The following BNC2 variants were observed in gnomAD, a reference collection of about 807,000 sequenced individuals.
BNC2 encodes zinc finger protein basonuclin-2.
Under a neutral mutation model 76.3 loss-of-function variants are expected in BNC2, and 20 were observed. That is an observed-to-expected ratio of 0.26 (90% CI 0.18 to 0.38). The LOEUF (loss-of-function observed/expected upper bound fraction) is 0.38, where lower values mean the gene tolerates loss of function less well. BNC2 is among the 10% of genes least tolerant of loss of function. The probability of loss-of-function intolerance (pLI) is 1.00; values close to 1 mark genes in which losing one functional copy is unlikely to be tolerated. For synonymous variants in BNC2, 582 were observed against 514.8 expected (o/e 1.13, Z -1.77); for missense variants, 1,382 against 1,399.8 (o/e 0.99, Z 0.20).
At chr9:16,734,726 C>T (rs965978096) in intron 2 of BNC2, among the ~76,000 whole-genome samples, 2 of 152,056 alleles carry the variant, frequency 1.3e-5, no homozygotes, top group African/African-American at 2.4e-5. Context: ...AAGCCCGTGA[C>T]AAAAGAAAAA....
At chr9:16,744,279 T>C (rs562070441) in intron 1 of BNC2, among the ~76,000 whole-genome samples, 4 of 152,274 alleles carry the variant, frequency 2.6e-5, no homozygotes, top group African/African-American at 9.6e-5. Flanking sequence ...TAGACTGCAG[T>C]TTTTAAGGTT....
At chr9:16,721,930 A>G (rs1390533221) in intron 3 of BNC2, among the ~76,000 whole-genome samples, 1 of 151,312 alleles carries the variant, frequency 6.6e-6, no homozygotes, top group Non-Finnish European at 1.5e-5. Context: ...GTGCTAATCT[A>G]GAGTGCCAAG....
chr9:16,545,648 T>A (rs549895010), intron 5 of BNC2, among the ~76,000 whole-genome samples: 2 of 152,306 alleles, frequency 1.3e-5, no homozygotes, highest in South Asian at 4.1e-4. Flanking sequence ...AGACCTGTAC[T>A]CATTTTCCCT....
rs984925004 is a variant in BNC2, at chr9:16,412,448, C to T, written c.*6541G>A. On this transcript the variant is annotated 3_prime_UTR_variant, in exon 7 of 7. Transcript: ENST00000380672. ...GGGCAATATAATCTTACTTATGCCA[C>T]TGACTTGCAGGAAAATTTGCTCTAA... 6.6e-6 allele frequency: 1 copy of T among 152,424 alleles called. No individual in the cohort carries two copies. Among genetic ancestry groups the T allele is most frequent in the African/African-American group, 2.4e-5 (1 of 41,434 alleles). 9.4% of individuals were successfully genotyped at this position (152,424 alleles called of 1,614,324 possible).
At chr9:16,663,208 C>T (rs1247658158) in intron 3 of BNC2, among the ~76,000 whole-genome samples, 1 of 144,878 alleles carries the variant, frequency 6.9e-6, no homozygotes, top group Non-Finnish European at 1.5e-5. Context: ...CGGCTCACTG[C>T]AACCTCCACC....
intron 3 of BNC2, among the ~76,000 whole-genome samples, chr9:16,701,835 A>G (rs1823522610): frequency 7.3e-6 from 1 of 137,634 alleles, no homozygotes; most frequent in South Asian, 2.2e-4. Flanking sequence ...CAAGCTACTC[A>G]GCAGGCTGAG....
rs1417186446 is a variant in BNC2, at chr9:16,412,415, A to G, written c.*6574T>C. On this transcript the variant is annotated 3_prime_UTR_variant, in exon 7 of 7. Transcript: ENST00000380672. ...AAAAATATTTTAATCTTTTCCCTAC[A>G]GATTAGGGGGCAATATAATCTTACT... The G allele has an allele frequency of 1.3e-5, 2 of 152,482 alleles. No individual in the cohort carries two copies. The highest frequency in any genetic ancestry group is 2.9e-5 in the Non-Finnish European group (2 of 68,022). The allele number at this position is 152,482 out of a possible 1,614,324, so 9.4% of individuals were successfully genotyped here. A position where few individuals can be genotyped will look rare whatever the true frequency, so the allele number is the denominator to read the frequency against.
At chr9:16,733,560 A>G (rs570460943) in intron 2 of BNC2, among the ~76,000 whole-genome samples, 1 of 152,298 alleles carries the variant, frequency 6.6e-6, no homozygotes, top group Admixed American at 6.5e-5. Context: ...CCAAAAAAAA[A>G]AGAAAACTAC....
intron 6 of BNC2, chr9:16,429,953 C>T (rs1472498429): frequency 3.9e-6 from 2 of 515,986 alleles, no homozygotes; most frequent in South Asian, 1.4e-5. Context: ...AGAGTCTCTC[C>T]CCATGATACA....
chr9:16,526,895 G>A (rs1440620691), intron 5 of BNC2, among the ~76,000 whole-genome samples: 2 of 152,198 alleles, frequency 1.3e-5, no homozygotes, highest in African/African-American at 4.8e-5. Flanking sequence ...TTATTGTAGA[G>A]CATAATAAGA....
intron 5 of BNC2, among the ~76,000 whole-genome samples, chr9:16,455,955 A>G (rs1319775772): frequency 2.0e-5 from 3 of 152,222 alleles, no homozygotes; most frequent in Non-Finnish European, 4.4e-5. Flanking sequence ...TCCAACTTTT[A>G]TAATTAGTGA....
At chr9:16,741,448 C>A (rs1365339448) in intron 1 of BNC2, among the ~76,000 whole-genome samples, 1 of 147,554 alleles carries the variant, frequency 6.8e-6, no homozygotes, top group East Asian at 2.0e-4. Flanking sequence ...AGCGAAACTC[C>A]ATTTCAAAAA....
intron 1 of BNC2, among the ~76,000 whole-genome samples, chr9:16,743,495 C>T (rs528643333): frequency 2.0e-5 from 3 of 152,276 alleles, no homozygotes; most frequent in African/African-American, 4.8e-5. Flanking sequence ...CTATCAGAGG[C>T]GTGGACCTTT....
intron 1 of BNC2, among the ~76,000 whole-genome samples, chr9:16,783,839 T>C (rs1247795760): frequency 6.6e-6 from 1 of 152,218 alleles, no homozygotes; most frequent in African/African-American, 2.4e-5. Context: ...TTTGGCTAAC[T>C]GACAACCCAA....
intron 3 of BNC2, among the ~76,000 whole-genome samples, chr9:16,616,342 T>C (rs938363438): frequency 3.3e-5 from 5 of 151,604 alleles, no homozygotes; most frequent in Admixed American, 1.3e-4. Flanking sequence ...CAGTGAGCCA[T>C]GATCACACCA....
At chr9:16,745,985 C>T (rs999562755) in intron 1 of BNC2, among the ~76,000 whole-genome samples, 2 of 152,186 alleles carry the variant, frequency 1.3e-5, no homozygotes, top group African/African-American at 4.8e-5. Flanking sequence ...GGCTCCTTGG[C>T]TTCTGCAGCC....
intron 4 of BNC2, among the ~76,000 whole-genome samples, chr9:16,578,458 T>C (rs918578557): frequency 3.3e-5 from 5 of 152,100 alleles, no homozygotes; most frequent in Admixed American, 6.6e-5. Flanking sequence ...CTCCTATTGG[T>C]AATGCTTCCT....
intron 3 of BNC2, among the ~76,000 whole-genome samples, chr9:16,648,437 C>T (rs1158006077): frequency 1.3e-5 from 2 of 152,112 alleles, no homozygotes; most frequent in Non-Finnish European, 2.9e-5. Flanking sequence ...TTCTATTAGC[C>T]AAGTCAAGAG....
At chr9:16,767,830 T>C (rs1290942783) in intron 1 of BNC2, among the ~76,000 whole-genome samples, 1 of 152,118 alleles carries the variant, frequency 6.6e-6, no homozygotes. Context: ...AGCTCTCTCC[T>C]CCACTGGATA....
Sources: gnomAD v4.1 joint callset for allele counts (sites outside exome capture counted in the v4.1 genomes callset) on GRCh38, gnomAD v4.1.1 for gene constraint, MANE v1.5 for transcripts, NCBI Gene and HGNC (gene_info 2026-07-23, HGNC 2026-07-21) for gene names.